Variants in PROX1 observed in about 807,000 individuals in gnomAD.
The protein encoded by PROX1 is prospero homeobox 1, also known as prospero homeobox protein 1.
Under a neutral mutation model 58.8 loss-of-function variants are expected in PROX1, and 7 were observed. That is an observed-to-expected ratio of 0.12 (90% CI 0.07 to 0.22). PROX1 has a LOEUF of 0.22. Among genes scored for constraint, PROX1 ranks in the 10% least tolerant of loss-of-function variants. The pLI, the probability that PROX1 is intolerant of heterozygous loss-of-function variation, is 1.00. For synonymous variants in PROX1, 350 were observed against 358.3 expected, an observed-to-expected ratio of 0.98 and a Z score of 0.26; for missense variants, 675 against 927.8, an observed-to-expected ratio of 0.73 and a Z score of 3.54.
chr1:213,985,165 G>T (rs980680348), upstream of PROX1: 13 of 152,358 alleles, frequency 8.5e-5, no homozygotes, highest in African/African-American at 2.9e-4. Context: ...GAAGTGGGGC[G>T]GAGGGAGGAG....
At chr1:213,994,762 T>TATATATATATAG in intron 1 of PROX1, among the ~76,000 whole-genome samples, 1 of 21,316 alleles carries the variant, frequency 4.7e-5, no homozygotes, top group Non-Finnish European at 9.6e-5. Flanking sequence ...TATATATATA[T>TATATATATATAG]ATATATATAT....
chr1:213,993,704 A>T (rs1338054535), intron 1 of PROX1, among the ~76,000 whole-genome samples: 1 of 152,196 alleles, frequency 6.6e-6, no homozygotes, highest in Non-Finnish European at 1.5e-5. Context: ...TCTAAATTAA[A>T]TCTAAGCTAT....
At chr1:213,983,833 A>T (rs1662759924), upstream of PROX1, 2 of 151,938 alleles carry the variant, frequency 1.3e-5, no homozygotes, top group Non-Finnish European at 2.9e-5. Flanking sequence ...GGTTTTTTTA[A>T]ATCACGGCCT....
upstream of PROX1, chr1:213,987,699 G>A (rs1558163404): frequency 7.0e-6 from 1 of 143,352 alleles, no homozygotes; most frequent in African/African-American, 2.5e-5. Flanking sequence ...CCGAAGCTGT[G>A]GCAGGGTGGG....
intron 1 of PROX1, 36 bp from the exon 2 acceptor site, chr1:213,996,433 A>G: frequency 7.3e-7 from 1 of 1,374,618 alleles, no homozygotes; most frequent in South Asian, 1.5e-5. Context: ...AAATTTAAAG[A>G]AAATGATTCA....
chr1:213,984,614 T>C (rs1231580901), upstream of PROX1: 1 of 152,454 alleles, frequency 6.6e-6, no homozygotes, highest in Non-Finnish European at 1.5e-5. Flanking sequence ...GCACAGGAGA[T>C]GAGAGTGAGA....
At chr1:213,991,461 C>A (rs1419526374) in intron 1 of PROX1, among the ~76,000 whole-genome samples, 2 of 152,128 alleles carry the variant, frequency 1.3e-5, no homozygotes, top group Non-Finnish European at 2.9e-5. Context: ...TCCTTGGATG[C>A]TTTTGAAGTT....
intron 4 of PROX1, among the ~76,000 whole-genome samples, chr1:214,019,668 G>A (rs1664213683): frequency 6.6e-6 from 1 of 152,180 alleles, no homozygotes; most frequent in African/African-American, 2.4e-5. Flanking sequence ...CTTGTGTACA[G>A]TCTGGTCTGT....
intron 1 of PROX1, among the ~76,000 whole-genome samples, chr1:213,989,999 T>TA (rs1662964521): frequency 6.6e-6 from 1 of 151,936 alleles, no homozygotes; most frequent in South Asian, 2.1e-4. Flanking sequence ...TGCTTGTTTT[T>TA]ATTTTTCCGA....
rs558767462 is a variant in PROX1 at position 213,996,232 on chromosome 1, C to T, written c.-67-237C>T. ...GCATTTGTGAGAGAGAATCATATTA[C>T]TGGTGCTTAAGCAGTTTTTGCTTAA... is the stretch of plus-strand genomic sequence containing the variant. On this transcript the variant is annotated intron_variant, in intron 1 of 4. Coordinates refer to ENST00000366958, the MANE Select transcript of PROX1 (RefSeq NM_001270616.2). Among the ~76,000 whole-genome samples the T allele has an allele frequency of 5.3e-5, 8 of 152,044 alleles. No individual in the cohort carries two copies. The East Asian group carries it at 9.7e-4, about 18-fold the overall frequency.
intron 4 of PROX1, among the ~76,000 whole-genome samples, chr1:214,014,945 C>T (rs953840785): frequency 6.6e-6 from 1 of 152,150 alleles, no homozygotes; most frequent in Non-Finnish European, 1.5e-5. Flanking sequence ...GAAAATAAAG[C>T]AGATGGGGAA....
intron 3 of PROX1, 24 bp downstream of exon 3, chr1:214,005,296 T>G (rs768043857): frequency 6.4e-7 from 1 of 1,559,416 alleles, no homozygotes; most frequent in South Asian, 1.1e-5. Context: ...TTATTCTTAA[T>G]TTTTTCATTT....
chr1:213,997,707 C>T lies in PROX1; in HGVS notation c.1172C>T (p.Ala391Val), dbSNP rs1558170499. The stretch of plus-strand genomic sequence containing the variant: ...TTCCCACCTCTCCAGATCCCCCAGG[C>T]CAGATTTGCAGTCAATGGGGAAAAC... ...QVFPPLQIPQARFAVNGENHN... is the reference protein window; with the variant it reads ...QVFPPLQIPQVRFAVNGENHN... Residue 391 changes from alanine to valine, a missense_variant, in exon 2 of 5, where the codon GCC (alanine) becomes GTC (valine). This residue lies in a region of PROX1 where 403 missense variants were observed against 477.4 expected (regional missense o/e 0.84). Transcript: ENST00000366958. The surrounding 1 kb of genome is among the most constrained non-coding windows in gnomAD (Gnocchi z 7.1). The T allele has an allele frequency of 6.2e-7, 1 of 1,614,044 alleles. No individual in the cohort carries two copies. Among genetic ancestry groups the T allele is most frequent in the African/African-American group, 1.3e-5 (1 of 75,052 alleles).
At chr1:213,995,468 T>G (rs919987866) in intron 1 of PROX1, among the ~76,000 whole-genome samples, 1 of 152,028 alleles carries the variant, frequency 6.6e-6, no homozygotes, top group Non-Finnish European at 1.5e-5. Context: ...TTTCTGTTTT[T>G]TTTTTTCCTT....
intron 4 of PROX1, among the ~76,000 whole-genome samples, chr1:214,032,072 A>G (rs1337087382): frequency 6.6e-6 from 1 of 152,204 alleles, no homozygotes; most frequent in Non-Finnish European, 1.5e-5. Flanking sequence ...ATATAAACCA[A>G]TAACCAAAGT....
chr1:213,990,710 G>A lies in PROX1; in HGVS notation c.-68+2227G>A, dbSNP rs147360430. Among the ~76,000 whole-genome samples the A allele has an allele frequency of 1.9e-4, 28 of 148,364 alleles. No individual in the cohort carries two copies. The East Asian group carries it at 5.4e-3, about 28-fold the overall frequency. ...TGTGTGTGTGTGTGTGTTTGTGTGT[G>A]TGTGGTGTATGCTTTGGATAGCAAT... On this transcript the variant is annotated intron_variant, in intron 1 of 4. Transcript: ENST00000366958.
chr1:214,014,665 G>T (rs1370398540), intron 4 of PROX1, among the ~76,000 whole-genome samples: 2 of 152,152 alleles, frequency 1.3e-5, no homozygotes, highest in Admixed American at 6.5e-5. Flanking sequence ...ACTTCAGTTT[G>T]CCCAAAGCTT....
chr1:213,996,528 G>A lies in PROX1; in HGVS notation c.-8G>A, dbSNP rs1663268333. The stretch of plus-strand genomic sequence containing the variant: ...AGCTTTTGAAGATGGCACAATAACC[G>A]TCCAGTGATGCCTGACCATGACAGC... On this transcript the variant is annotated 5_prime_UTR_variant, in exon 2 of 5. Transcript: ENST00000366958. The A allele has an allele frequency of 2.5e-6, 4 of 1,608,098 alleles. No individual in the cohort carries two copies. Among genetic ancestry groups the A allele is most frequent in the Non-Finnish European group, 3.4e-6 (4 of 1,176,106 alleles).
intron 4 of PROX1, among the ~76,000 whole-genome samples, chr1:214,031,182 G>T (rs1370344885): frequency 6.6e-6 from 1 of 152,104 alleles, no homozygotes; most frequent in Non-Finnish European, 1.5e-5. Flanking sequence ...GCTCTTGTTT[G>T]CTCTGAGGAG....
Sources: allele counts gnomAD v4.1 joint callset (sites outside exome capture counted in the v4.1 genomes callset), GRCh38; gene constraint gnomAD v4.1.1; regional missense constraint gnomAD v4.1.1; non-coding constraint Gnocchi (gnomAD v3.1); transcripts MANE v1.5; gene names NCBI Gene and HGNC (gene_info 2026-07-23, HGNC 2026-07-21).